Variants in MSRB3 observed in about 807,000 individuals in gnomAD.
MSRB3 encodes methionine sulfoxide reductase B3, also known as methionine-R-sulfoxide reductase B3.
A neutral mutation model predicts 21.0 loss-of-function variants in MSRB3; 13 were observed. That is an observed-to-expected ratio of 0.62 (90% CI 0.40 to 0.98). MSRB3 has a LOEUF of 0.98. MSRB3 is among the 50% of genes least tolerant of loss of function. The pLI is 0.00. For synonymous variants in MSRB3, 87 were observed against 88.6 expected (o/e 0.98, Z 0.10); for missense variants, 199 against 230.3 (o/e 0.86, Z 0.88).
At chr12:65,343,610 A>G (rs1353086272) in intron 4 of MSRB3, among the ~76,000 whole-genome samples, 3 of 152,120 alleles carry the variant, frequency 2.0e-5, no homozygotes, top group African/African-American at 4.8e-5. Context: ...AGCACTTTAA[A>G]GAAAATTGTC....
At chr12:65,326,959 C>A in intron 3 of MSRB3, 25 bp downstream of exon 3, 1 of 1,556,966 alleles carries the variant, frequency 6.4e-7, no homozygotes, top group Non-Finnish European at 8.8e-7. Context: ...AATAAAAAGT[C>A]ATTAAGAGCT....
chr12:65,411,871 G>A (rs1460103972), intron 5 of MSRB3, among the ~76,000 whole-genome samples: 3 of 151,216 alleles, frequency 2.0e-5, no homozygotes, highest in African/African-American at 7.3e-5. Flanking sequence ...AACATAGGAT[G>A]TGATTTTTCA....
At chr12:65,284,449 G>A (rs1423562367) in intron 1 of MSRB3, 1 of 152,248 alleles carries the variant, frequency 6.6e-6, no homozygotes, top group Admixed American at 6.5e-5. Flanking sequence ...GACATGAGAT[G>A]TTAAGCCTGG....
chr12:65,452,252 G>A (rs903185377), intron 5 of MSRB3, among the ~76,000 whole-genome samples: 1 of 152,076 alleles, frequency 6.6e-6, no homozygotes, highest in Admixed American at 6.6e-5. Context: ...TGCCCTTGAA[G>A]GTTAAAAAGG....
intron 5 of MSRB3, among the ~76,000 whole-genome samples, chr12:65,388,995 T>C (rs1879332073): frequency 6.6e-6 from 1 of 152,228 alleles, no homozygotes; most frequent in South Asian, 2.1e-4. Context: ...CCATGAGCTC[T>C]TAAGGGATGG....
At chr12:65,380,282 G>A (rs1028176547) in intron 5 of MSRB3, among the ~76,000 whole-genome samples, 2 of 152,200 alleles carry the variant, frequency 1.3e-5, no homozygotes, top group Non-Finnish European at 2.9e-5. Context: ...CAGAACTGGA[G>A]TATTTTTGTT....
At chr12:65,345,536 C>A (rs1047113569) in intron 4 of MSRB3, among the ~76,000 whole-genome samples, 2 of 152,010 alleles carry the variant, frequency 1.3e-5, no homozygotes, top group Non-Finnish European at 2.9e-5. Context: ...AGCTAATGTT[C>A]CTGATAACAC....
At chr12:65,350,093 G>T (rs1447773079) in intron 4 of MSRB3, among the ~76,000 whole-genome samples, 1 of 151,934 alleles carries the variant, frequency 6.6e-6, no homozygotes, top group Non-Finnish European at 1.5e-5. Flanking sequence ...TGTATAAGGT[G>T]TAAGGAAGGG....
At chr12:65,326,977 T>G in intron 3 of MSRB3, 43 bp downstream of exon 3, 10 of 1,426,592 alleles carry the variant, frequency 7.0e-6, no homozygotes, top group South Asian at 1.2e-5. Context: ...GCTAGATTTC[T>G]TCTCCCCCTG....
chr12:65,365,239 C>T (rs1258843833), intron 4 of MSRB3, among the ~76,000 whole-genome samples: 1 of 152,106 alleles, frequency 6.6e-6, no homozygotes, highest in African/African-American at 2.4e-5. Flanking sequence ...GTGTTGGGAG[C>T]ATGAGGATGC....
chr12:65,361,338 A>G (rs1043971786), intron 4 of MSRB3, among the ~76,000 whole-genome samples: 1 of 152,098 alleles, frequency 6.6e-6, no homozygotes, highest in African/African-American at 2.4e-5. Flanking sequence ...CTAAAGTTGC[A>G]TAGGGTGGAA....
chr12:65,337,444 A>G (rs1413029789), intron 4 of MSRB3, among the ~76,000 whole-genome samples: 1 of 151,070 alleles, frequency 6.6e-6, no homozygotes, highest in Non-Finnish European at 1.5e-5. Flanking sequence ...AAAAAAAAAA[A>G]AAAAAAAAAA....
At chr12:65,372,845 T>G (rs1292168352) in intron 5 of MSRB3, among the ~76,000 whole-genome samples, 1 of 152,202 alleles carries the variant, frequency 6.6e-6, no homozygotes. Flanking sequence ...CTTACTGGCT[T>G]TGCTTTCTAT....
At chr12:65,462,956 T>C (rs1298668090) in intron 6 of MSRB3, among the ~76,000 whole-genome samples, 199 bp from the exon 7 acceptor site, 1 of 152,230 alleles carries the variant, frequency 6.6e-6, no homozygotes, top group Non-Finnish European at 1.5e-5. Context: ...ACAATTCTAG[T>C]GTTTTTTGTT....
chr12:65,365,393 T>G (rs556156766), intron 4 of MSRB3, among the ~76,000 whole-genome samples: 44 of 152,240 alleles, frequency 2.9e-4, no homozygotes, highest in Non-Finnish European at 5.1e-4. Context: ...GCTGACATGA[T>G]TCACGTGAGC....
chr12:65,392,758 C>T (rs1175171218), intron 5 of MSRB3, among the ~76,000 whole-genome samples: 1 of 152,208 alleles, frequency 6.6e-6, no homozygotes, highest in African/African-American at 2.4e-5. Context: ...CTACTTTCTC[C>T]AAGATTCCTC....
rs1020393750 is a variant in MSRB3 at position 65,358,949 on chromosome 12, A to T, written c.264-10049A>T. On this transcript the variant is annotated intron_variant, in intron 4 of 6. Transcript: ENST00000308259. Reference sequence around the variant, plus strand: ...TTCCTGGATGCATTGGCCTCCCGTCACCCTGCCTTTTTTCTTTCTTCTTCC... The same window carrying T: ...TTCCTGGATGCATTGGCCTCCCGTCTCCCTGCCTTTTTTCTTTCTTCTTCC... Among the ~76,000 whole-genome samples, 3 of 151,614 alleles carry T rather than the reference A, an allele frequency of 2.0e-5. No individual in the cohort carries two copies. In the East Asian group the frequency reaches 5.8e-4, roughly 29 times the overall value.
At chr12:65,349,014 C>G (rs1405303515) in intron 4 of MSRB3, among the ~76,000 whole-genome samples, 1 of 152,118 alleles carries the variant, frequency 6.6e-6, no homozygotes. Context: ...CCCACTAACT[C>G]GTCATCTAGC....
intron 2 of MSRB3, among the ~76,000 whole-genome samples, chr12:65,313,301 A>G (rs1419007005): frequency 6.6e-6 from 1 of 152,122 alleles, no homozygotes; most frequent in Non-Finnish European, 1.5e-5. Flanking sequence ...TACTTATTCA[A>G]TTTGAGCTGG....
Sources: allele counts gnomAD v4.1 joint callset (sites outside exome capture counted in the v4.1 genomes callset), GRCh38; gene constraint gnomAD v4.1.1; transcripts MANE v1.5; gene names NCBI Gene and HGNC (gene_info 2026-07-23, HGNC 2026-07-21).